ZNF763: variants seen among roughly 807,000 people sequenced by gnomAD.
The protein encoded by ZNF763 is zinc finger protein 763.
In ZNF763, 33 loss-of-function variants were observed where a neutral mutation model predicts 38.0. That is an observed-to-expected ratio of 0.87 (90% CI 0.66 to 1.16). The LOEUF (loss-of-function observed/expected upper bound fraction) is 1.16, where lower values mean the gene tolerates loss of function less well. ZNF763 is among the 50% of genes most tolerant of loss of function. ZNF763 has a pLI of 0.00. For synonymous variants in ZNF763, 155 were observed against 160.1 expected (o/e 0.97, Z 0.24); for missense variants, 423 against 469.1 (o/e 0.90, Z 0.91).
At position 11,979,181 on chromosome 19, in the gene ZNF763, A is replaced by G; in HGVS notation, c.*72A>G. The G allele has an allele frequency of 6.2e-7, 1 of 1,612,314 alleles. No homozygotes were observed. The highest frequency in any genetic ancestry group is 8.5e-7 in the Non-Finnish European group (1 of 1,179,596). On this transcript the variant is annotated 3_prime_UTR_variant, in exon 4 of 4. Transcript: ENST00000358987. ...AGACATGAAAAAACTCACACTGGAG[A>G]GAAACCCTATAAATGCATGCCATGT...
intron 1 of ZNF763, among the ~76,000 whole-genome samples, chr19:11,965,465 C>T (rs987219396): frequency 1.3e-5 from 2 of 152,186 alleles, no homozygotes; most frequent in Non-Finnish European, 2.9e-5. Flanking sequence ...GGCAGTTCCG[C>T]GCCCGCAGCC....
intron 1 of ZNF763, among the ~76,000 whole-genome samples, chr19:11,974,138 C>CTTTCT (rs1973428198): frequency 1.6e-4 from 18 of 109,270 alleles, no homozygotes; most frequent in African/African-American, 7.6e-4. Flanking sequence ...TTCTTTCTTT[C>CTTTCT]TTTCTTTCTT....
chr19:11,969,200 G>T (rs943325714), intron 1 of ZNF763, among the ~76,000 whole-genome samples: 1 of 152,190 alleles, frequency 6.6e-6, no homozygotes, highest in Admixed American at 6.5e-5. Context: ...TGCCTTCTGG[G>T]TTCAAGTAAT....
rs572453279 is a variant in ZNF763 at position 11,977,146 on chromosome 19, A to T, written c.112A>T (p.Arg38Trp). ...LYREVMLETF[R>W]NLTSIGKKWK... is the part of the protein sequence containing the mutation. ...CAGGGAAGTGATGCTGGAAACTTTC[A>T]GGAACCTGACCTCTATAGGTAAGGA... Residue 38 changes from arginine to tryptophan, a missense_variant, in exon 2 of 4, where the codon AGG (arginine) becomes TGG (tryptophan). Coordinates refer to ENST00000358987, the MANE Select transcript of ZNF763 (RefSeq NM_001367172.2). The T allele has an allele frequency of 6.2e-7, 1 of 1,614,152 alleles. No homozygotes were observed. The highest frequency in any genetic ancestry group is 8.5e-7 in the Non-Finnish European group (1 of 1,180,016).
At chr19:11,974,049 T>C (rs991882022) in intron 1 of ZNF763, among the ~76,000 whole-genome samples, 13 of 150,802 alleles carry the variant, frequency 8.6e-5, no homozygotes, top group African/African-American at 3.2e-4. Context: ...GTTTTCTTTC[T>C]TTCTTTCTTT....
chr19:11,974,613 G>A (rs12975364), intron 1 of ZNF763, among the ~76,000 whole-genome samples: 3 of 147,902 alleles, frequency 2.0e-5, no homozygotes, highest in Admixed American at 6.7e-5. Flanking sequence ...TTTTTTGGGC[G>A]GGGGGGTGGG....
At position 11,978,829 on chromosome 19, in the gene ZNF763, A is replaced by C. The variant is rs200679486; in HGVS notation, c.905A>C (p.His302Pro). ...SFSWCHSFQIHERTHTGEKPC... is the reference protein window; with the variant it reads ...SFSWCHSFQIPERTHTGEKPC... ...AGTTGGTGTCATTCCTTTCAAATAC[A>C]TGAAAGAACTCACACTGGGGAGAAG... Residue 302 changes from histidine (H) to proline (P), a missense_variant, in exon 4 of 4, where the codon CAT becomes CCT. Transcript: ENST00000358987. The C allele has an allele frequency of 6.2e-7, 1 of 1,614,078 alleles. No homozygotes were observed. The highest frequency in any genetic ancestry group is 1.3e-5 in the African/African-American group (1 of 74,950).
Position 11,975,398 on chromosome 19 carries a change from A to T in ZNF763, c.4-1640A>T, listed in dbSNP as rs745360514. On this transcript the variant is annotated intron_variant, in intron 1 of 3. Transcript: ENST00000358987. Reference sequence around the variant, plus strand: ...CAAGATGTTATTGATTTTTTTTTTTATTTTATTATTATTTTTTGAGACAGA... The same window carrying T: ...CAAGATGTTATTGATTTTTTTTTTTTTTTTATTATTATTTTTTGAGACAGA... 1.3e-3 allele frequency among the ~76,000 whole-genome samples: 181 copies of T among 142,924 alleles called. 1 individual carries two copies. The highest frequency in any genetic ancestry group is 7.4e-3 in the Middle Eastern group (2 of 270). The allele number at this position is 142,924 out of a possible 152,430, so 93.8% of individuals were successfully genotyped here.
At position 11,979,338 on chromosome 19, in the gene ZNF763, T is replaced by TCA. The variant is rs200241324; in HGVS notation, c.*231_*232dup. On this transcript the variant is annotated 3_prime_UTR_variant, in exon 4 of 4. Transcript: ENST00000358987. ...CACACCTTCGAAGGCATGGTAGGAC[T>TCA]CACTGGAGAGAAACCCTATGAGTGT... The TCA allele has an allele frequency of 0.018, 29,107 of 1,607,062 alleles. 314 individuals are homozygous for TCA. The highest frequency in any genetic ancestry group is 0.027 in the African/African-American group (1,968 of 73,514).
intron 1 of ZNF763, among the ~76,000 whole-genome samples, chr19:11,971,318 C>T (rs1343005710): frequency 6.6e-6 from 1 of 152,140 alleles, no homozygotes; most frequent in African/African-American, 2.4e-5. Flanking sequence ...GAGCACTAAT[C>T]TCATTCGGAA....
chr19:11,974,099 TTC>T, intron 1 of ZNF763, among the ~76,000 whole-genome samples: 1 of 96,028 alleles, frequency 1.0e-5, no homozygotes, highest in Non-Finnish European at 2.1e-5. Flanking sequence ...CTTTCTTTCT[TTC>T]TTTCTTTCTT....
chr19:11,975,618 G>A (rs1373513766), intron 1 of ZNF763, among the ~76,000 whole-genome samples: 2 of 150,446 alleles, frequency 1.3e-5, no homozygotes, highest in Non-Finnish European at 3.0e-5. Flanking sequence ...TCCTGACCTC[G>A]TGATCCGCCC....
At position 11,980,381 on chromosome 19, in the gene ZNF763, CAAA is replaced by C. The variant is rs34141334; in HGVS notation, c.*1288_*1290del. On this transcript the variant is annotated 3_prime_UTR_variant, in exon 4 of 4. Transcript: ENST00000358987. ...GGGCAACAGGAGCAAAACTCCGTCT[CAAA>C]AAAAAAAAAAAAAAAGACTTGGCCT... 13 of 123,712 alleles carry C rather than the reference CAAA, an allele frequency of 1.1e-4. No homozygotes were observed. Among genetic ancestry groups the C allele is most frequent in the Non-Finnish European group, 1.5e-4 (9 of 61,742 alleles). The allele number at this position is 123,712 out of a possible 1,614,324, so 7.7% of individuals were successfully genotyped here.
chr19:11,965,293 C>A, intron 1 of ZNF763, 82 bp downstream of exon 1: 1 of 1,592,846 alleles, frequency 6.3e-7, no homozygotes, highest in Non-Finnish European at 8.6e-7. Context: ...GGGACCCGGG[C>A]CTCCCTGCGG....
At chr19:11,975,652 G>T (rs1481034142) in intron 1 of ZNF763, among the ~76,000 whole-genome samples, 1 of 128,244 alleles carries the variant, frequency 7.8e-6, no homozygotes, top group East Asian at 2.4e-4. Context: ...AAAGTGTTGG[G>T]ATTACAGGCG....
intron 1 of ZNF763, among the ~76,000 whole-genome samples, chr19:11,968,337 G>A (rs1233284790): frequency 1.3e-5 from 2 of 151,870 alleles, no homozygotes; most frequent in African/African-American, 4.8e-5. Flanking sequence ...CTGCAGCCTT[G>A]ACCTCCCCAG....
rs200679486 is a variant in ZNF763, at chr19:11,978,829, A to G, written c.905A>G (p.His302Arg). 6.9e-5 allele frequency: 112 copies of G among 1,614,196 alleles called. 2 individuals are homozygous for G. In the South Asian group the frequency reaches 1.1e-3, roughly 16 times the overall value. The change falls in exon 4 of 4, where the codon CAT becomes CGT. Residue 302 changes from histidine to arginine, a missense_variant. Physicochemically the swap from His to Arg is conservative, Grantham distance 29 (BLOSUM62 0). Transcript: ENST00000358987. The part of the protein sequence containing the change: ...SFSWCHSFQI[H>R]ERTHTGEKPC... ...AGTTGGTGTCATTCCTTTCAAATAC[A>G]TGAAAGAACTCACACTGGGGAGAAG...
chr19:11,974,071 T>G (rs1973408536), intron 1 of ZNF763, among the ~76,000 whole-genome samples: 1 of 61,146 alleles, frequency 1.6e-5, no homozygotes, highest in African/African-American at 5.9e-5. Flanking sequence ...CTTCTTTCTT[T>G]TCTTTCTTTC....
intron 2 of ZNF763, 55 bp from the exon 3 acceptor site, chr19:11,977,316 A>AT: frequency 3.1e-6 from 5 of 1,605,972 alleles, no homozygotes; most frequent in South Asian, 1.1e-5. Context: ...GAATCTAATA[A>AT]TTTTTTCACA....
Sources: gnomAD v4.1 joint callset for allele counts (sites outside exome capture counted in the v4.1 genomes callset) on GRCh38, gnomAD v4.1.1 for gene constraint, MANE v1.5 for transcripts, NCBI Gene and HGNC (gene_info 2026-07-23, HGNC 2026-07-21) for gene names.